The following FAM20B variants were observed in gnomAD, a reference collection of about 807,000 sequenced individuals.
FAM20B encodes the protein FAM20B glycosaminoglycan xylosylkinase.
FAM20B carries 23 observed loss-of-function variants against 43.8 expected under a neutral mutation model. That is an observed-to-expected ratio of 0.53 (90% confidence interval 0.38 to 0.74). The LOEUF is 0.74. Among genes scored for constraint, FAM20B ranks in the 30% least tolerant of loss-of-function variants. FAM20B has a pLI of 0.00. For synonymous variants in FAM20B, 178 were observed against 192.4 expected, an observed-to-expected ratio of 0.93 and a Z score of 0.62; for missense variants, 440 against 510.5, an observed-to-expected ratio of 0.86 and a Z score of 1.33.
chr1:179,018,666 A>C, the FAM20B span, among the ~76,000 whole-genome samples: 1 of 152,212 alleles, frequency 6.6e-6, no homozygotes, highest in Non-Finnish European at 1.5e-5. Flanking sequence ...ATATGTAATA[A>C]TGTAGAAGTT....
In FAM20B at chr1:179,073,991, A is replaced by G. The variant is rs1652038911; in HGVS notation, c.*1847A>G. ...GTCAAGTAGAGGCGAATATATAAAC[A>G]GTGTGGTTGAATACATTTAATGCCA... On this transcript the variant is annotated 3_prime_UTR_variant, in exon 8 of 8. Coordinates refer to ENST00000263733, the MANE Select transcript of FAM20B (RefSeq NM_014864.4). 1 of 152,322 alleles carries G rather than the reference A, an allele frequency of 6.6e-6. No homozygotes were observed. Among genetic ancestry groups the G allele is most frequent in the Non-Finnish European group, 1.5e-5 (1 of 68,034 alleles). The allele number at this position is 152,322 out of a possible 1,614,324, so 9.4% of individuals were successfully genotyped here. A position where few individuals can be genotyped will look rare whatever the true frequency, so the allele number is the denominator to read the frequency against.
In FAM20B at chr1:179,072,320, GT is replaced by G; in HGVS notation, c.*179del. On this transcript the variant is annotated 3_prime_UTR_variant, in exon 8 of 8. Transcript: ENST00000263733. ...GTAGAAACTAAAGCAAAGACCACAA[GT>G]TTCAGAGCATGGAGACATTCCTGCT... 2 of 597,110 alleles carry G rather than the reference GT, an allele frequency of 3.3e-6. No individual in the cohort carries two copies. The highest frequency in any genetic ancestry group is 5.9e-6 in the Non-Finnish European group (2 of 336,948). 37.0% of individuals were successfully genotyped at this position (597,110 alleles called of 1,614,324 possible).
chr1:179,074,204 G>A lies in FAM20B; in HGVS notation c.*2060G>A, dbSNP rs552920076. 1.3e-5 allele frequency: 2 copies of A among 152,506 alleles called. No individual in the cohort carries two copies. Among genetic ancestry groups the A allele is most frequent in the Non-Finnish European group, 1.5e-5 (1 of 67,990 alleles). The allele number at this position is 152,506 out of a possible 1,614,324, so 9.4% of individuals were successfully genotyped here. A position where few individuals can be genotyped will look rare whatever the true frequency, so the allele number is the denominator to read the frequency against. ...AGAACAATGGGCTGAGTTATAAAAA[G>A]CGTGTATTGAATTTAAGAAGACAGA... On this transcript the variant is annotated 3_prime_UTR_variant, in exon 8 of 8. Coordinates refer to ENST00000263733, the MANE Select transcript of FAM20B (RefSeq NM_014864.4).
At position 179,054,591 on chromosome 1, in the gene FAM20B, T is replaced by G; in HGVS notation, c.527T>G (p.Ile176Ser). The G allele has an allele frequency of 6.2e-7, 1 of 1,612,948 alleles. No individual in the cohort carries two copies. Among genetic ancestry groups the G allele is most frequent in the Non-Finnish European group, 8.5e-7 (1 of 1,179,232 alleles). ...AGATTTGTTAATCTTCGGACAGAGA[T>G]CAAACCTGTCGCCACAGAGCAGCTG... ...VGRFVNLRTE[I>S]KPVATEQLLS... The change falls in exon 4 of 8, where the codon ATC (isoleucine) becomes AGC (serine). Residue 176 changes from isoleucine (I) to serine (S), a missense_variant. By Grantham distance (142) the Ile-to-Ser change is moderately radical. Transcript: ENST00000263733.
intron 1 of FAM20B, among the ~76,000 whole-genome samples, chr1:179,041,065 GGA>G (rs1172597834): frequency 7.4e-5 from 11 of 149,476 alleles, no homozygotes; most frequent in African/African-American, 2.8e-4. Flanking sequence ...ATGGCGGCCG[GGA>G]AGAGGCGCCT....
intron 1 of FAM20B, among the ~76,000 whole-genome samples, chr1:179,037,670 A>T (rs1361392324): frequency 6.6e-6 from 1 of 151,816 alleles, no homozygotes; most frequent in Non-Finnish European, 1.5e-5. Flanking sequence ...TATTTTTCAT[A>T]GAGATGGGGT....
chr1:179,035,844 A>C (rs1271862212), intron 1 of FAM20B, among the ~76,000 whole-genome samples: 2 of 152,072 alleles, frequency 1.3e-5, no homozygotes, highest in African/African-American at 4.8e-5. Context: ...AAAGTGAATT[A>C]GCCGGCTGGG....
intron 1 of FAM20B, among the ~76,000 whole-genome samples, chr1:179,037,361 T>G (rs1185392399): frequency 1.2e-4 from 18 of 151,542 alleles, no homozygotes. Context: ...TTAGTCTCTT[T>G]TTTTTTAACC....
chr1:179,076,007 CAT>C lies in FAM20B; in HGVS notation c.*3866_*3867del, dbSNP rs1020013412. The C allele has an allele frequency of 1.3e-5, 2 of 152,104 alleles. No homozygotes were observed. Among genetic ancestry groups the C allele is most frequent in the Admixed American group, 1.3e-4 (2 of 15,260 alleles). The allele number at this position is 152,104 out of a possible 1,614,324, so 9.4% of individuals were successfully genotyped here. A position where few individuals can be genotyped will look rare whatever the true frequency, so the allele number is the denominator to read the frequency against. ...CGTATATGTATTCTAGCAAGAAAAA[CAT>C]ATTTATTTTGACAAAGGGGAACACT... On this transcript the variant is annotated 3_prime_UTR_variant, in exon 8 of 8. Coordinates refer to ENST00000263733, the MANE Select transcript of FAM20B (RefSeq NM_014864.4).
chr1:179,046,864 C>T (rs1650795087), intron 2 of FAM20B, among the ~76,000 whole-genome samples: 3 of 151,628 alleles, frequency 2.0e-5, no homozygotes, highest in South Asian at 2.1e-4. Context: ...ATTAGCTAGG[C>T]ACGTGCCTGT....
chr1:179,068,725 C>A (rs566351475), intron 7 of FAM20B, among the ~76,000 whole-genome samples: 1 of 152,258 alleles, frequency 6.6e-6, no homozygotes, highest in South Asian at 2.1e-4. Flanking sequence ...TGAGCCACTG[C>A]GCCCGACCCA....
chr1:179,032,313 CTTTT>C (rs547439601), intron 1 of FAM20B, among the ~76,000 whole-genome samples: 187 of 111,922 alleles, frequency 1.7e-3, no homozygotes, highest in African/African-American at 5.7e-3. Context: ...AGGTCTCATT[CTTTT>C]TTTTTTTTTT....
intron 7 of FAM20B, among the ~76,000 whole-genome samples, chr1:179,070,006 T>G (rs1455826738): frequency 6.6e-6 from 1 of 152,186 alleles, no homozygotes; most frequent in East Asian, 1.9e-4. Flanking sequence ...CGTTTTGTGC[T>G]GCTGTAACAG....
intron 3 of FAM20B, among the ~76,000 whole-genome samples, chr1:179,052,048 C>T (rs1213482307): frequency 6.6e-6 from 1 of 152,074 alleles, no homozygotes; most frequent in Non-Finnish European, 1.5e-5. Flanking sequence ...TTAAAAATCA[C>T]AAATTCAATA....
chr1:179,045,424 G>A (rs1557871545), intron 2 of FAM20B, among the ~76,000 whole-genome samples: 1 of 152,142 alleles, frequency 6.6e-6, no homozygotes, highest in Non-Finnish European at 1.5e-5. Context: ...AAGAAATGTA[G>A]GGAAAAGATG....
intron 1 of FAM20B, among the ~76,000 whole-genome samples, chr1:179,040,516 G>A (rs1650450504): frequency 1.4e-5 from 2 of 144,298 alleles, no homozygotes; most frequent in Admixed American, 6.8e-5. Context: ...CTCCCGGACG[G>A]GGCGGCTGGC....
At chr1:179,063,479 T>A (rs56999658) in intron 4 of FAM20B, among the ~76,000 whole-genome samples, 21,472 of 151,986 alleles carry the variant, frequency 0.14, 1,770 homozygotes, top group East Asian at 0.3. Flanking sequence ...TTCCAGCTAC[T>A]CAGGAGGCTG....
In FAM20B at chr1:179,072,283, G is replaced by A; in HGVS notation, c.*139G>A. 1 of 646,468 alleles carries A rather than the reference G, an allele frequency of 1.5e-6. No homozygotes were observed. The highest frequency in any genetic ancestry group is 2.0e-5 in the South Asian group (1 of 50,876). 40.0% of individuals were successfully genotyped at this position (646,468 alleles called of 1,614,324 possible). A position where few individuals can be genotyped will look rare whatever the true frequency, so the allele number is the denominator to read the frequency against. ...GACAGAGTGGCCTTGGATGTCTTTG[G>A]TATTTTCTGTAGTAGAAACTAAAGC... On this transcript the variant is annotated 3_prime_UTR_variant, in exon 8 of 8. Transcript: ENST00000263733.
At chr1:179,040,384 G>A (rs1447646147) in intron 1 of FAM20B, among the ~76,000 whole-genome samples, 133 of 150,628 alleles carry the variant, frequency 8.8e-4, no homozygotes, top group Non-Finnish European at 1.6e-3. Context: ...CTTCCCTCCC[G>A]GACTGGGCGG....
Sources: gnomAD v4.1 joint callset for allele counts (sites outside exome capture counted in the v4.1 genomes callset) on GRCh38, gnomAD v4.1.1 for gene constraint, MANE v1.5 for transcripts, NCBI Gene and HGNC (gene_info 2026-07-23, HGNC 2026-07-21) for gene names.